XKR6: variants seen among roughly 807,000 people sequenced by gnomAD.
XKR6 encodes XK related 6.
XKR6 carries 22 observed loss-of-function variants against 56.7 expected under a neutral mutation model. That is an observed-to-expected ratio of 0.39 (90% CI 0.28 to 0.55). The LOEUF (loss-of-function observed/expected upper bound fraction) is 0.55. Ranked by LOEUF, XKR6 falls within the 20% of genes least tolerant of loss-of-function variation. The pLI, the probability that XKR6 is intolerant of heterozygous loss-of-function variation, is 0.66. For missense variants in XKR6, 852 were observed against 889.0 expected, an observed-to-expected ratio of 0.96 and a Z score of 0.53; for synonymous variants, 524 against 387.8, an observed-to-expected ratio of 1.35 and a Z score of -4.13.
At chr8:11,034,739 C>A (rs1799093642) in intron 1 of XKR6, among the ~76,000 whole-genome samples, 1 of 152,158 alleles carries the variant, frequency 6.6e-6, no homozygotes, top group Non-Finnish European at 1.5e-5. Context: ...CTCTTACCTC[C>A]CTCCTGCCTC....
At chr8:11,020,936 G>A (rs117730527) in intron 1 of XKR6, among the ~76,000 whole-genome samples, 4,065 of 152,272 alleles carry the variant, frequency 0.027, 83 homozygotes, top group Non-Finnish European at 0.042. Context: ...TAGCATAGTG[G>A]CTGGCACAGA....
rs562588904 is a variant in XKR6, at chr8:10,896,173, T to C, written c.*1779A>G. ...TTTTTGTGCCCAAGTAGAGATACGA[T>C]GCGATTGAAACGATGCCCTAGAACA... is the stretch of plus-strand genomic sequence containing the variant. On this transcript the variant is annotated 3_prime_UTR_variant, in exon 3 of 3. Coordinates refer to ENST00000416569, the MANE Select transcript of XKR6 (RefSeq NM_173683.4). 13 of 151,014 alleles carry C rather than the reference T, an allele frequency of 8.6e-5. No individual in the cohort carries two copies. In the East Asian group the frequency reaches 1.9e-3, roughly 23 times the overall value. 9.4% of individuals were successfully genotyped at this position (151,014 alleles called of 1,614,324 possible).
chr8:11,079,693 T>C (rs60134032), intron 1 of XKR6, among the ~76,000 whole-genome samples: 39,344 of 152,208 alleles, frequency 0.26, 6,296 homozygotes, highest in African/African-American at 0.45. Context: ...GGCACGGTGG[T>C]TCATGCCTCT....
intron 1 of XKR6, among the ~76,000 whole-genome samples, chr8:11,169,031 C>A (rs1205968095): frequency 6.6e-6 from 1 of 152,080 alleles, no homozygotes; most frequent in Admixed American, 6.6e-5. Context: ...AGGACAAGGT[C>A]CCAGGCCAAG....
At chr8:11,056,629 C>T (rs1020708173) in intron 1 of XKR6, among the ~76,000 whole-genome samples, 3 of 152,220 alleles carry the variant, frequency 2.0e-5, no homozygotes, top group Non-Finnish European at 4.4e-5. Context: ...GGGGCCACTG[C>T]GTTCTGGAAG....
chr8:11,056,031 C>G (rs2045322548), intron 1 of XKR6, among the ~76,000 whole-genome samples: 1 of 152,180 alleles, frequency 6.6e-6, no homozygotes, highest in Middle Eastern at 3.2e-3. Context: ...TTCAGGATTC[C>G]TCTCCCGCCC....
intron 2 of XKR6, among the ~76,000 whole-genome samples, chr8:10,917,561 T>A (rs1036531622): frequency 3.3e-5 from 5 of 152,198 alleles, no homozygotes; most frequent in African/African-American, 1.2e-4. Flanking sequence ...TCACTCTAGG[T>A]TCCAGCCCCA....
chr8:11,129,027 A>G (rs1799969405), intron 1 of XKR6: 1 of 453,654 alleles, frequency 2.2e-6, no homozygotes, highest in African/African-American at 2.0e-5. Flanking sequence ...ACTTACACAC[A>G]GTGAAATTAA....
chr8:11,137,090 A>G (rs545493226), intron 1 of XKR6: 1 of 154,244 alleles, frequency 6.5e-6, no homozygotes, highest in East Asian at 1.9e-4. Context: ...TAAAAGATGA[A>G]TACTTATAAA....
At chr8:10,900,500 G>C (rs1202898454) in intron 2 of XKR6, among the ~76,000 whole-genome samples, 1 of 152,178 alleles carries the variant, frequency 6.6e-6, no homozygotes, top group Non-Finnish European at 1.5e-5. Context: ...AAAAAAACCT[G>C]TTAACTGTTA....
intron 1 of XKR6, among the ~76,000 whole-genome samples, chr8:11,019,724 A>G (rs918295917): frequency 2.6e-5 from 4 of 152,208 alleles, no homozygotes; most frequent in Admixed American, 2.0e-4. Flanking sequence ...ACCTGCAGAC[A>G]CAGCCCTCAG....
At chr8:10,980,237 G>A (rs1418737819) in intron 1 of XKR6, among the ~76,000 whole-genome samples, 2 of 152,202 alleles carry the variant, frequency 1.3e-5, no homozygotes, top group East Asian at 3.9e-4. Flanking sequence ...GTTCTGGAGT[G>A]CCCAGGAGGT....
At chr8:11,183,261 T>G (rs913544745) in intron 1 of XKR6, among the ~76,000 whole-genome samples, 2 of 152,202 alleles carry the variant, frequency 1.3e-5, no homozygotes, top group Non-Finnish European at 2.9e-5. Context: ...AATTCCATGT[T>G]TACTTTTTTG....
intron 1 of XKR6, among the ~76,000 whole-genome samples, chr8:11,171,082 T>C (rs368588662): frequency 6.6e-6 from 1 of 152,250 alleles, no homozygotes; most frequent in African/African-American, 2.4e-5. Context: ...TATACTTTGT[T>C]CTTGAAATCC....
intron 1 of XKR6, among the ~76,000 whole-genome samples, chr8:11,007,303 T>C (rs141716367): frequency 9.3e-4 from 141 of 152,344 alleles, no homozygotes; most frequent in African/African-American, 3.3e-3. Context: ...GCCTTTGTTT[T>C]TGAGCCTCTC....
chr8:10,985,851 C>G (rs1198369160), intron 1 of XKR6, among the ~76,000 whole-genome samples: 3 of 152,306 alleles, frequency 2.0e-5, no homozygotes, highest in South Asian at 4.1e-4. Flanking sequence ...AGCGATCCAC[C>G]TGCCTTGGAC....
intron 1 of XKR6, among the ~76,000 whole-genome samples, chr8:10,993,195 G>T (rs1798032457): frequency 1.3e-5 from 2 of 152,228 alleles, no homozygotes; most frequent in Non-Finnish European, 2.9e-5. Context: ...CTTTTTGGCT[G>T]GTAGCTCTCG....
At chr8:10,900,578 C>T (rs913147448) in intron 2 of XKR6, among the ~76,000 whole-genome samples, 12 of 152,210 alleles carry the variant, frequency 7.9e-5, no homozygotes, top group Non-Finnish European at 1.3e-4. Context: ...AGGGGCAACA[C>T]GATCCCAAGT....
intron 2 of XKR6, among the ~76,000 whole-genome samples, chr8:10,919,352 C>G (rs1278958253): frequency 2.0e-5 from 3 of 152,202 alleles, no homozygotes; most frequent in Non-Finnish European, 4.4e-5. Context: ...CAACCCCAAC[C>G]AGTTGTCTGC....
Sources: allele counts gnomAD v4.1 joint callset (sites outside exome capture counted in the v4.1 genomes callset), GRCh38; gene constraint gnomAD v4.1.1; transcripts MANE v1.5; gene names NCBI Gene and HGNC (gene_info 2026-07-23, HGNC 2026-07-21).